Variants in ATOSA observed in about 807,000 individuals in gnomAD.
ATOSA encodes atos homolog A, also known as atos homolog protein A.
chr15:52,604,042 G>T, the ATOSA span, among the ~76,000 whole-genome samples: 1 of 152,210 alleles, frequency 6.6e-6, no homozygotes, highest in Non-Finnish European at 1.5e-5. Context: ...CATTTACTCC[G>T]ATTTGATTAT....
chr15:52,641,492 G>A, the ATOSA span, among the ~76,000 whole-genome samples: 12 of 152,198 alleles, frequency 7.9e-5, no homozygotes, highest in Non-Finnish European at 1.0e-4. Flanking sequence ...TTCTAAAAAA[G>A]GGGGTGATGG....
At chr15:52,689,137 G>A in the ATOSA span, among the ~76,000 whole-genome samples, 4 of 152,062 alleles carry the variant, frequency 2.6e-5, no homozygotes, top group African/African-American at 4.8e-5. Context: ...CCATGATCTC[G>A]GTGTGTGCCA....
the ATOSA span, among the ~76,000 whole-genome samples, chr15:52,705,511 A>G: frequency 6.9e-5 from 10 of 145,854 alleles, no homozygotes; most frequent in African/African-American, 2.6e-4. Flanking sequence ...TAATAATATA[A>G]AAAGAAATTT....
chr15:52,703,545 T>C, the ATOSA span, among the ~76,000 whole-genome samples: 14 of 152,096 alleles, frequency 9.2e-5, 3 homozygotes, highest in Admixed American at 8.5e-4. Flanking sequence ...TACCTGATGG[T>C]TGCTTAACCA....
chr15:52,609,260 C>CCCA, the ATOSA span: 2 of 1,613,734 alleles, frequency 1.2e-6, no homozygotes, highest in Non-Finnish European at 1.7e-6. Context: ...TCACTGATGT[C>CCCA]TCCTAACAAG....
At chr15:52,585,203 T>C in the ATOSA span, 6,886 of 296,662 alleles carry the variant, frequency 0.023, 135 homozygotes, top group South Asian at 0.059. Flanking sequence ...TTCATATATA[T>C]AAATTTTACT....
At chr15:52,615,795 T>C in the ATOSA span, among the ~76,000 whole-genome samples, 1 of 152,198 alleles carries the variant, frequency 6.6e-6, no homozygotes, top group African/African-American at 2.4e-5. Context: ...ACAGCTGACA[T>C]TTGGTAACTT....
At chr15:52,688,217 T>A in the ATOSA span, among the ~76,000 whole-genome samples, 1 of 152,234 alleles carries the variant, frequency 6.6e-6, no homozygotes, top group African/African-American at 2.4e-5. Context: ...TTCTTGTAGA[T>A]GACAGAAAAT....
At chr15:52,669,883 T>G in the ATOSA span, among the ~76,000 whole-genome samples, 2 of 152,200 alleles carry the variant, frequency 1.3e-5, no homozygotes, top group South Asian at 2.1e-4. Flanking sequence ...AAGCACTGAA[T>G]CAATCCTAGG....
chr15:52,696,110 T>C, the ATOSA span, among the ~76,000 whole-genome samples: 3 of 152,164 alleles, frequency 2.0e-5, no homozygotes, highest in South Asian at 6.2e-4. Context: ...ACTGCTCTGT[T>C]GAAATTAGGT....
At chr15:52,682,324 C>T in the ATOSA span, among the ~76,000 whole-genome samples, 1 of 151,966 alleles carries the variant, frequency 6.6e-6, no homozygotes, top group Non-Finnish European at 1.5e-5. Flanking sequence ...CATCCCCCAT[C>T]TGTGAATGTG....
the ATOSA span, among the ~76,000 whole-genome samples, chr15:52,642,358 T>C: frequency 2.0e-5 from 3 of 152,206 alleles, no homozygotes; most frequent in Non-Finnish European, 4.4e-5. Flanking sequence ...CCCTGAGACC[T>C]TGGGAAAAGT....
chr15:52,583,113 C>G, the ATOSA span, among the ~76,000 whole-genome samples: 1 of 152,216 alleles, frequency 6.6e-6, no homozygotes, highest in Non-Finnish European at 1.5e-5. Flanking sequence ...CTCTTCCCTC[C>G]TTTCTGAAGT....
the ATOSA span, among the ~76,000 whole-genome samples, chr15:52,617,396 C>G: frequency 6.6e-6 from 1 of 152,154 alleles, no homozygotes; most frequent in Non-Finnish European, 1.5e-5. Context: ...GGACTTCCAG[C>G]CTTCAGAACT....
At chr15:52,611,268 C>CA in the ATOSA span, 1 of 1,609,038 alleles carries the variant, frequency 6.2e-7, no homozygotes, top group Non-Finnish European at 8.5e-7. Context: ...AAGGAAGTAA[C>CA]AAAGCATAAT....
At chr15:52,646,324 T>TGTTCTA in the ATOSA span, among the ~76,000 whole-genome samples, 2 of 152,190 alleles carry the variant, frequency 1.3e-5, no homozygotes, top group Non-Finnish European at 2.9e-5. Flanking sequence ...CTGGGTGACA[T>TGTTCTA]TCATAGCAGT....
At chr15:52,632,721 A>C in the ATOSA span, among the ~76,000 whole-genome samples, 202 of 152,334 alleles carry the variant, frequency 1.3e-3, no homozygotes, top group East Asian at 0.015. Flanking sequence ...TGGTCAGAAG[A>C]CATTCTTAGC....
At chr15:52,602,501 C>G in the ATOSA span, among the ~76,000 whole-genome samples, 2 of 152,130 alleles carry the variant, frequency 1.3e-5, no homozygotes, top group Non-Finnish European at 2.9e-5. Flanking sequence ...TAAATCCTCA[C>G]TGCCCTGGGT....
the ATOSA span, among the ~76,000 whole-genome samples, chr15:52,612,221 G>A: frequency 6.6e-6 from 1 of 152,120 alleles, no homozygotes; most frequent in African/African-American, 2.4e-5. Context: ...CTAACCTCAG[G>A]TGATCTGCCC....
Sources: gnomAD v4.1 joint callset for allele counts (sites outside exome capture counted in the v4.1 genomes callset) on GRCh38, gnomAD v4.1.1 for gene constraint, MANE v1.5 for transcripts, NCBI Gene and HGNC (gene_info 2026-07-23, HGNC 2026-07-21) for gene names.